Variants in PLS3 observed in about 807,000 individuals in gnomAD.
PLS3 encodes the protein plastin-3.
Under a neutral mutation model 46.5 loss-of-function variants are expected in PLS3, and 11 were observed. The observed-to-expected ratio is 0.24, with a 90% CI of 0.15 to 0.39. The LOEUF is 0.39. PLS3 is among the 10% of genes least tolerant of loss of function. The pLI is 1.00. For synonymous variants in PLS3, 167 were observed against 162.2 expected, an observed-to-expected ratio of 1.03 and a Z score of -0.22; for missense variants, 308 against 461.8, an observed-to-expected ratio of 0.67 and a Z score of 3.05.
chrX:115,637,343 T>C (rs5987956), intron 8 of PLS3, among the ~76,000 whole-genome samples: 24,829 of 110,077 alleles, frequency 0.23, 2,770 homozygotes, highest in South Asian at 0.44. Flanking sequence ...AAGGGCCTCA[T>C]GATTTCCTCT....
intron 1 of PLS3, among the ~76,000 whole-genome samples, chrX:115,595,205 A>C (rs2074376539): frequency 8.9e-6 from 1 of 111,815 alleles, no homozygotes; most frequent in South Asian, 3.7e-4. Flanking sequence ...TTGTTTATTA[A>C]GTATAAAAAG....
intron 9 of PLS3, among the ~76,000 whole-genome samples, chrX:115,641,551 C>G (rs185165039): frequency 9.1e-6 from 1 of 110,463 alleles, no homozygotes; most frequent in Non-Finnish European, 1.9e-5. Context: ...TTATGCTGCC[C>G]TTATCAGAAC....
chrX:115,634,133 G>A, intron 6 of PLS3, 52 bp downstream of exon 6: 1 of 713,274 alleles, frequency 1.4e-6, no homozygotes, highest in Non-Finnish European at 2.2e-6. Flanking sequence ...TTGAGGACCT[G>A]TTCTGCAGAC....
chrX:115,588,757 T>C (rs1214615118), intron 1 of PLS3, among the ~76,000 whole-genome samples: 2 of 110,991 alleles, frequency 1.8e-5, no homozygotes, highest in Non-Finnish European at 3.8e-5. Context: ...TTCTTTTCTT[T>C]TTTTGAGTGA....
chrX:115,578,598 G>A (rs1214745347), intron 1 of PLS3, among the ~76,000 whole-genome samples: 7 of 103,499 alleles, frequency 6.8e-5, no homozygotes, highest in African/African-American at 1.8e-4. Flanking sequence ...GGTGGCGGGC[G>A]CCTGTAGTCC....
At chrX:115,618,286 C>A (rs1420774408) in intron 2 of PLS3, among the ~76,000 whole-genome samples, 1 of 112,183 alleles carries the variant, frequency 8.9e-6, no homozygotes, top group Non-Finnish European at 1.9e-5. Flanking sequence ...ATACTCCAGT[C>A]TAAACTAGAG....
At chrX:115,643,211 G>T in intron 9 of PLS3, 102 bp from the exon 10 acceptor site, 2 of 533,229 alleles carry the variant, frequency 3.8e-6, no homozygotes, top group South Asian at 6.2e-5. Context: ...CCATATGTTA[G>T]CTAAAAGAAA....
At chrX:115,586,859 A>G (rs939018193) in intron 1 of PLS3, among the ~76,000 whole-genome samples, 2 of 111,619 alleles carry the variant, frequency 1.8e-5, no homozygotes, top group Non-Finnish European at 3.8e-5. Flanking sequence ...TCACAGTTCA[A>G]AAGTACAGAA....
intron 2 of PLS3, among the ~76,000 whole-genome samples, chrX:115,620,777 A>G (rs1374139320): frequency 1.1e-4 from 10 of 91,568 alleles, no homozygotes; most frequent in Non-Finnish European, 1.9e-4. Flanking sequence ...CATTGGTGCA[A>G]TCTTGGCCCA....
chrX:115,588,711 C>A (rs1399950282), intron 1 of PLS3, among the ~76,000 whole-genome samples: 1 of 110,377 alleles, frequency 9.1e-6, no homozygotes, highest in Non-Finnish European at 1.9e-5. Context: ...TATCCCTTTG[C>A]CCCACCCCTC....
At chrX:115,563,013 CTCT>C (rs782724144) in intron 1 of PLS3, among the ~76,000 whole-genome samples, 1 of 111,323 alleles carries the variant, frequency 9.0e-6, no homozygotes, top group East Asian at 2.8e-4. Context: ...TGTATCTCCT[CTCT>C]TCTTCAATCT....
chrX:115,563,935 C>A lies in PLS3; in HGVS notation c.-9+2675C>A, dbSNP rs782569594. 6.2e-5 allele frequency among the ~76,000 whole-genome samples: 7 copies of A among 112,108 alleles called. No individual in the cohort carries two copies. The East Asian group carries it at 2.0e-3, about 31-fold the overall frequency. ...TAACCTCAAAAAAAGGAAGTTATTACCACTCAACTAGGTTACAGTGGTAGG... is the reference window on the plus strand; with the variant it reads ...TAACCTCAAAAAAAGGAAGTTATTAACACTCAACTAGGTTACAGTGGTAGG... On this transcript the variant is annotated intron_variant, in intron 1 of 15. Coordinates refer to ENST00000355899, the MANE Select transcript of PLS3 (RefSeq NM_005032.7).
At chrX:115,592,386 T>C (rs2074351498) in intron 1 of PLS3, among the ~76,000 whole-genome samples, 2 of 111,561 alleles carry the variant, frequency 1.8e-5, no homozygotes, top group Non-Finnish European at 3.8e-5. Flanking sequence ...TCCATTGTTA[T>C]AGATATGAAC....
At chrX:115,632,314 A>C (rs2074785201) in intron 5 of PLS3, among the ~76,000 whole-genome samples, 1 of 110,853 alleles carries the variant, frequency 9.0e-6, no homozygotes, top group African/African-American at 3.3e-5. Flanking sequence ...AATATGTTAG[A>C]GCCAGGCATA....
intron 7 of PLS3, among the ~76,000 whole-genome samples, chrX:115,636,360 C>T (rs58952657): frequency 0.034 from 3,731 of 109,705 alleles, 166 homozygotes; most frequent in African/African-American, 0.12. Flanking sequence ...GCGCCCGCCA[C>T]CACGCCCGGC....
At chrX:115,604,743 A>G (rs1439776857) in intron 1 of PLS3, among the ~76,000 whole-genome samples, 1 of 111,866 alleles carries the variant, frequency 8.9e-6, no homozygotes, top group Non-Finnish European at 1.9e-5. Flanking sequence ...AAAAAGTCCT[A>G]TAGTACAATG....
At chrX:115,637,058 C>A in intron 8 of PLS3, 80 bp downstream of exon 8, 1 of 956,701 alleles carries the variant, frequency 1.0e-6, no homozygotes, top group South Asian at 2.4e-5. Flanking sequence ...GAGAGAAAAT[C>A]CTAACACTGT....
intron 3 of PLS3, among the ~76,000 whole-genome samples, chrX:115,626,622 T>C (rs2074713856): frequency 9.0e-6 from 1 of 110,562 alleles, no homozygotes; most frequent in African/African-American, 3.3e-5. Flanking sequence ...TAGAGGAAAA[T>C]ACTATGAAAC....
At chrX:115,561,762 C>G (rs781943635) in intron 1 of PLS3, among the ~76,000 whole-genome samples, 4 of 110,916 alleles carry the variant, frequency 3.6e-5, no homozygotes, top group African/African-American at 1.3e-4. Flanking sequence ...CCCACACGCC[C>G]GCCTCGGGTG....
Sources: allele counts gnomAD v4.1 joint callset (sites outside exome capture counted in the v4.1 genomes callset), GRCh38; gene constraint gnomAD v4.1.1; transcripts MANE v1.5; gene names NCBI Gene and HGNC (gene_info 2026-07-23, HGNC 2026-07-21).